The following PARD3B variants were observed in gnomAD, a reference collection of about 807,000 sequenced individuals.
PARD3B encodes the protein par-3 family cell polarity regulator beta, also known as partitioning defective 3 homolog B.
PARD3B carries 103 observed loss-of-function variants against 130.2 expected under a neutral mutation model. That is an observed-to-expected ratio of 0.79 (90% CI 0.67 to 0.93). The LOEUF (loss-of-function observed/expected upper bound fraction) is 0.93. PARD3B is among the 40% of genes least tolerant of loss of function. PARD3B has a pLI of 0.00. For missense variants in PARD3B, 1,609 were observed against 1,499.2 expected, an observed-to-expected ratio of 1.07 and a Z score of -1.21; for synonymous variants, 583 against 553.2, an observed-to-expected ratio of 1.05 and a Z score of -0.76.
At chr2:205,529,466 T>A (rs1349309451) in intron 21 of PARD3B, among the ~76,000 whole-genome samples, 1 of 152,198 alleles carries the variant, frequency 6.6e-6, no homozygotes, top group Non-Finnish European at 1.5e-5. Flanking sequence ...TGTGTTCTTC[T>A]GTAGGAATCA....
chr2:205,296,420 C>T (rs2041793962), intron 16 of PARD3B, among the ~76,000 whole-genome samples: 1 of 152,142 alleles, frequency 6.6e-6, no homozygotes, highest in South Asian at 2.1e-4. Flanking sequence ...CTGAGGTCCA[C>T]ATCCAAACTA....
intron 4 of PARD3B, among the ~76,000 whole-genome samples, chr2:205,057,363 A>G (rs1376582147): frequency 1.0e-5 from 1 of 97,682 alleles, no homozygotes; most frequent in Non-Finnish European, 2.4e-5. Context: ...ATATACATGT[A>G]TATGTGTTAT....
At chr2:204,900,932 G>C (rs889276768) in intron 2 of PARD3B, among the ~76,000 whole-genome samples, 2 of 152,140 alleles carry the variant, frequency 1.3e-5, no homozygotes, top group African/African-American at 4.8e-5. Context: ...GGATTACCAG[G>C]CAGGGACTCT....
At chr2:204,795,404 G>C (rs2042335552) in intron 2 of PARD3B, among the ~76,000 whole-genome samples, 1 of 152,144 alleles carries the variant, frequency 6.6e-6, no homozygotes, top group Non-Finnish European at 1.5e-5. Flanking sequence ...GCCAAGGGTG[G>C]ACTTCTGAGA....
At chr2:204,547,075 C>T (rs996089123) in intron 1 of PARD3B, among the ~76,000 whole-genome samples, 23 of 152,148 alleles carry the variant, frequency 1.5e-4, no homozygotes, top group Non-Finnish European at 2.8e-4. Flanking sequence ...GCCAATGGTT[C>T]TCTTAATATT....
At chr2:204,547,542 C>G (rs2030078788) in intron 1 of PARD3B, among the ~76,000 whole-genome samples, 1 of 152,134 alleles carries the variant, frequency 6.6e-6, no homozygotes, top group African/African-American at 2.4e-5. Context: ...TCATGTAATT[C>G]AGTTAACTGA....
rs1399512630 is a variant in PARD3B, at chr2:205,269,434, C to G, written c.2185+23612C>G. Among the ~76,000 whole-genome samples, 3 of 152,168 alleles carry G rather than the reference C, an allele frequency of 2.0e-5. No homozygotes were observed. The East Asian group carries it at 5.8e-4, about 29-fold the overall frequency. On this transcript the variant is annotated intron_variant, in intron 16 of 22. Transcript: ENST00000406610. The surrounding 1 kb of genome is among the most constrained non-coding windows in gnomAD (Gnocchi z 4.7). ...ACAAGGAGGCTTTTTCAGGTAATGT[C>G]TTAGGAGTAAGGAGAGAGAAAGCAA...
chr2:205,259,772 T>C lies in PARD3B; in HGVS notation c.2185+13950T>C, dbSNP rs187490072. On this transcript the variant is annotated intron_variant, in intron 16 of 22. Transcript: ENST00000406610. Reference sequence around the variant, plus strand: ...GTCTTCTTGACTCTGCACTCCATTCTGAGTACAAGTCGAGTATCTCTTATC... The same window carrying C: ...GTCTTCTTGACTCTGCACTCCATTCCGAGTACAAGTCGAGTATCTCTTATC... 4.6e-5 allele frequency among the ~76,000 whole-genome samples: 7 copies of C among 152,298 alleles called. No homozygotes were observed. The East Asian group carries it at 7.7e-4, about 17-fold the overall frequency.
chr2:204,870,224 A>G (rs953329334), intron 2 of PARD3B, among the ~76,000 whole-genome samples: 2 of 152,202 alleles, frequency 1.3e-5, no homozygotes, highest in Non-Finnish European at 2.9e-5. Flanking sequence ...AAACTTAAGT[A>G]TGCTGTCAGG....
intron 1 of PARD3B, among the ~76,000 whole-genome samples, chr2:204,620,299 G>A (rs574250986): frequency 1.3e-5 from 2 of 152,126 alleles, no homozygotes; most frequent in East Asian, 1.9e-4. Flanking sequence ...CACCTCACCC[G>A]GCTCATGCAC....
intron 2 of PARD3B, among the ~76,000 whole-genome samples, chr2:204,817,323 G>T (rs1028607407): frequency 8.6e-5 from 13 of 151,502 alleles, no homozygotes; most frequent in Admixed American, 7.3e-4. Context: ...TTCCTATAAA[G>T]GTCCTAGATC....
At chr2:205,148,674 T>C (rs149564412) in intron 10 of PARD3B, among the ~76,000 whole-genome samples, 1 of 152,298 alleles carries the variant, frequency 6.6e-6, no homozygotes, top group Non-Finnish European at 1.5e-5. Flanking sequence ...TTATAAAATA[T>C]CCTGGCAGAA....
chr2:205,043,073 A>G (rs957985276), intron 3 of PARD3B, among the ~76,000 whole-genome samples: 5 of 152,086 alleles, frequency 3.3e-5, no homozygotes, highest in Non-Finnish European at 7.4e-5. Flanking sequence ...AGCTGAAAAA[A>G]AACTAATGAA....
At position 205,497,672 on chromosome 2, in the gene PARD3B, C is replaced by T. The variant is rs2049986088; in HGVS notation, c.3045-2224C>T. The stretch of plus-strand genomic sequence containing the variant: ...GATCCTCCTATATTTCTTTAAAATA[C>T]TCACACAAGAGAGAAGATACAGCAT... On this transcript the variant is annotated intron_variant, in intron 20 of 22. Transcript: ENST00000406610. Among the ~76,000 whole-genome samples, 3 of 151,906 alleles carry T rather than the reference C, an allele frequency of 2.0e-5. 1 individual carries two copies. The South Asian group carries it at 6.2e-4, about 32-fold the overall frequency.
chr2:204,801,882 C>G (rs2042582803), intron 2 of PARD3B, among the ~76,000 whole-genome samples: 1 of 152,116 alleles, frequency 6.6e-6, no homozygotes, highest in South Asian at 2.1e-4. Context: ...TACATTCCAT[C>G]AGTACATAGT....
At chr2:204,657,845 A>G (rs766665937) in intron 1 of PARD3B, among the ~76,000 whole-genome samples, 1 of 152,224 alleles carries the variant, frequency 6.6e-6, no homozygotes, top group Non-Finnish European at 1.5e-5. Flanking sequence ...GTTGCATGCA[A>G]GTGAAACTTG....
chr2:204,686,405 T>A, intron 2 of PARD3B, 123 bp downstream of exon 2: 5 of 715,318 alleles, frequency 7.0e-6, no homozygotes, highest in Non-Finnish European at 1.2e-5. Context: ...TGTTCAGGTT[T>A]CACCTGGACA....
intron 20 of PARD3B, among the ~76,000 whole-genome samples, chr2:205,452,744 C>T (rs1408724966): frequency 1.3e-5 from 2 of 152,092 alleles, no homozygotes; most frequent in Non-Finnish European, 2.9e-5. Context: ...GTTATATCTG[C>T]CTAAATTGTC....
At chr2:204,583,655 G>A (rs1031672822) in intron 1 of PARD3B, among the ~76,000 whole-genome samples, 12 of 143,620 alleles carry the variant, frequency 8.4e-5, no homozygotes, top group Non-Finnish European at 1.2e-4. Flanking sequence ...GCAACAGAGT[G>A]TATACCTGTG....
Sources: gnomAD v4.1 joint callset for allele counts (sites outside exome capture counted in the v4.1 genomes callset) on GRCh38, gnomAD v4.1.1 for gene constraint, Gnocchi (gnomAD v3.1) non-coding constraint, MANE v1.5 for transcripts, NCBI Gene and HGNC (gene_info 2026-07-23, HGNC 2026-07-21) for gene names.